B2M: variants seen among roughly 807,000 people sequenced by gnomAD.
B2M encodes beta chain of MHC class I molecules.
Under a neutral mutation model 14.5 loss-of-function variants are expected in B2M, and 3 were observed. That is an observed-to-expected ratio of 0.21 (90% CI 0.09 to 0.53). The LOEUF is 0.53. Among genes scored for constraint, B2M ranks in the 20% least tolerant of loss-of-function variants. B2M has a pLI of 0.95. For synonymous variants in B2M, 45 were observed against 52.7 expected, an observed-to-expected ratio of 0.85 and a Z score of 0.64; for missense variants, 107 against 140.8, an observed-to-expected ratio of 0.76 and a Z score of 1.21.
intron 1 of B2M, chr15:44,715,101 C>T (rs985229394): frequency 2.3e-6 from 1 of 427,094 alleles, no homozygotes; most frequent in Non-Finnish European, 4.3e-6. Flanking sequence ...ATCAGAAGTC[C>T]TTGAGAGCCT....
chr15:44,716,409 T>C (rs931260581), intron 3 of B2M, 53 bp downstream of exon 3: 1 of 1,511,710 alleles, frequency 6.6e-7, no homozygotes, highest in Admixed American at 1.7e-5. Context: ...TGAGGACTAT[T>C]TATAGACAGC....
At chr15:44,715,813 A>G (rs1428327645) in intron 2 of B2M, 112 bp downstream of exon 2, 2 of 1,263,108 alleles carry the variant, frequency 1.6e-6, no homozygotes, top group South Asian at 2.4e-5. Context: ...AATGAGTCCC[A>G]TCCCATCTGA....
chr15:44,711,683 G>GCT, intron 1 of B2M, 70 bp downstream of exon 1: 2 of 1,526,558 alleles, frequency 1.3e-6, no homozygotes, highest in Non-Finnish European at 1.8e-6. Context: ...CCCTCGCTGT[G>GCT]CTCTCTCGCT....
intron 2 of B2M, chr15:44,716,005 C>T (rs2086937197): frequency 3.3e-6 from 2 of 599,928 alleles, no homozygotes; most frequent in Non-Finnish European, 5.9e-6. Flanking sequence ...TACCTACTGG[C>T]TTCCTCTAGC....
chr15:44,712,362 TG>T (rs1401445426), intron 1 of B2M, among the ~76,000 whole-genome samples: 3 of 152,260 alleles, frequency 2.0e-5, no homozygotes, highest in Non-Finnish European at 4.4e-5. Flanking sequence ...CATTTAATTT[TG>T]AAAACAGTTA....
At chr15:44,716,798 T>C (rs1178834697) in intron 3 of B2M, 1 of 172,986 alleles carries the variant, frequency 5.8e-6, no homozygotes, top group African/African-American at 2.4e-5. Flanking sequence ...ATGGGGACTG[T>C]GTTTGCCTCT....
At chr15:44,712,172 T>C (rs1271954960) in intron 1 of B2M, among the ~76,000 whole-genome samples, 2 of 152,158 alleles carry the variant, frequency 1.3e-5, no homozygotes, top group African/African-American at 4.8e-5. Context: ...TCTGGGTCTA[T>C]GTGGGGCCAC....
chr15:44,717,345 T>G (rs1191826056), intron 3 of B2M: 1 of 152,222 alleles, frequency 6.6e-6, no homozygotes, highest in Non-Finnish European at 1.5e-5. Flanking sequence ...AAAAATATGC[T>G]ATTTTAATCT....
At chr15:44,713,797 A>G (rs900840449) in intron 1 of B2M, 14 of 152,216 alleles carry the variant, frequency 9.2e-5, no homozygotes, top group Admixed American at 3.3e-4. Context: ...TCAGGTCTTC[A>G]TTAGATTCCC....
At position 44,717,887 on chromosome 15, in the gene B2M, T is replaced by C. The variant is rs2086961568; in HGVS notation, c.*295T>C. On this transcript the variant is annotated 3_prime_UTR_variant, in exon 4 of 4. Coordinates refer to ENST00000648006, the MANE Select transcript of B2M (RefSeq NM_004048.4). ...ATCAACATCTTGGTCAGATTTGAAC[T>C]CTTCAATCTCTTGCACTCAAAGCTT... 1 of 152,226 alleles carries C rather than the reference T, an allele frequency of 6.6e-6. No individual in the cohort carries two copies. The highest frequency in any genetic ancestry group is 1.5e-5 in the Non-Finnish European group (1 of 68,044). 9.4% of individuals were successfully genotyped at this position (152,226 alleles called of 1,614,324 possible).
chr15:44,716,380 T>C (rs2086942013), intron 3 of B2M, 24 bp downstream of exon 3: 6 of 1,594,140 alleles, frequency 3.8e-6, no homozygotes, highest in Non-Finnish European at 5.2e-6. Context: ...CTTGAGAAAA[T>C]GTTTTTGTTT....
In B2M at chr15:44,715,816, C is replaced by G; in HGVS notation, c.346+115C>G. On this transcript the variant is annotated intron_variant, in intron 2 of 3. Coordinates refer to ENST00000648006, the MANE Select transcript of B2M (RefSeq NM_004048.4). ...CATACTACCCTGAATGAGTCCCATC[C>G]CATCTGATATAAACAATCTGCATAT... 2.4e-6 allele frequency: 3 copies of G among 1,251,668 alleles called. No individual in the cohort carries two copies. The Admixed American group carries it at 5.4e-5, about 23-fold the overall frequency. 77.5% of individuals were successfully genotyped at this position (1,251,668 alleles called of 1,614,324 possible).
At position 44,715,425 on chromosome 15, in the gene B2M, A is replaced by G. The variant is rs772675028; in HGVS notation, c.70A>G (p.Thr24Ala). 2.5e-6 allele frequency: 4 copies of G among 1,613,418 alleles called. No homozygotes were observed. Among genetic ancestry groups the G allele is most frequent in the Non-Finnish European group, 3.4e-6 (4 of 1,179,922 alleles). Residue 24 changes from threonine (T) to alanine (A), a missense_variant and splice_region_variant, in exon 2 of 4, where the codon ACT becomes GCT. Thr to Ala is a moderately conservative substitution (Grantham distance 58, BLOSUM62 0). Transcript: ENST00000648006. Reference sequence around the variant, plus strand: ...TGTCTTTTCCCGATATTCCTCAGGTACTCCAAAGATTCAGGTTTACTCACG... The same window carrying G: ...TGTCTTTTCCCGATATTCCTCAGGTGCTCCAAAGATTCAGGTTTACTCACG... Reference protein sequence around the residue: ...SLSGLEAIQRTPKIQVYSRHP... With the variant: ...SLSGLEAIQRAPKIQVYSRHP...
At chr15:44,713,406 GGA>G (rs1157921062) in intron 1 of B2M, 1 of 152,158 alleles carries the variant, frequency 6.6e-6, no homozygotes, top group Non-Finnish European at 1.5e-5. Flanking sequence ...GACCATTTCT[GGA>G]AGATACCACA....
intron 1 of B2M, chr15:44,714,176 C>T (rs1808014292): frequency 6.6e-6 from 1 of 152,194 alleles, no homozygotes; most frequent in African/African-American, 2.4e-5. Flanking sequence ...TAGTTTACAG[C>T]AATCACCTGT....
chr15:44,712,069 C>G (rs1358402135), intron 1 of B2M: 1 of 327,010 alleles, frequency 3.1e-6, no homozygotes, highest in Admixed American at 4.1e-5. Context: ...AGGCGTCGCC[C>G]GGGTAAGCCT....
chr15:44,716,759 A>G (rs1394252929), intron 3 of B2M: 1 of 232,414 alleles, frequency 4.3e-6, no homozygotes, highest in Non-Finnish European at 8.6e-6. Context: ...GAGAGGAGTT[A>G]TACAGCTCTG....
intron 3 of B2M, 153 bp downstream of exon 3, chr15:44,716,509 C>G (rs2086943342): frequency 2.3e-6 from 2 of 856,474 alleles, no homozygotes; most frequent in South Asian, 3.0e-5. Context: ...ATGTTCCCTT[C>G]TCCTGTGGAG....
chr15:44,716,308 T>TC, intron 2 of B2M, 21 bp from the exon 3 acceptor site: 3 of 1,609,358 alleles, frequency 1.9e-6, no homozygotes, highest in Non-Finnish European at 2.6e-6. Flanking sequence ...TCCTTTTTTT[T>TC]CTCCACTGTC....
Sources: gnomAD v4.1 joint callset for allele counts (sites outside exome capture counted in the v4.1 genomes callset) on GRCh38, gnomAD v4.1.1 for gene constraint, MANE v1.5 for transcripts, NCBI Gene and HGNC (gene_info 2026-07-23, HGNC 2026-07-21) for gene names.